The following PUM1 variants were observed in gnomAD, a reference collection of about 807,000 sequenced individuals.
The protein encoded by PUM1 is pumilio homolog 1.
PUM1 carries 13 observed loss-of-function variants against 131.8 expected under a neutral mutation model. That is an observed-to-expected ratio of 0.10 (90% CI 0.06 to 0.16). PUM1 has a LOEUF of 0.16. PUM1 is among the 10% of genes least tolerant of loss of function. PUM1 has a pLI of 1.00. For missense variants in PUM1, 961 were observed against 1,512.4 expected (o/e 0.64, Z 6.05); for synonymous variants, 509 against 556.5 (o/e 0.91, Z 1.20).
Position 30,944,237 on chromosome 1 carries a change from T to C in PUM1, c.2994+1109A>G, listed in dbSNP as rs61778249. Reference sequence around the variant, plus strand: ...TTACTACACATCACATATCACTCTATACTCAGCAGTACATAAATTATACCT... The same window carrying C: ...TTACTACACATCACATATCACTCTACACTCAGCAGTACATAAATTATACCT... On this transcript the variant is annotated intron_variant, in intron 18 of 21. Transcript: ENST00000426105. Among the ~76,000 whole-genome samples, 722 of 152,290 alleles carry C rather than the reference T, an allele frequency of 4.7e-3. 2 individuals carry two copies. The highest frequency in any genetic ancestry group is 8.0e-3 in the Non-Finnish European group (545 of 68,026).
chr1:30,964,887 C>T lies in PUM1; in HGVS notation c.2110G>A (p.Gly704Ser). The change falls in exon 14 of 22, where the codon GGC becomes AGC. Residue 704 changes from glycine (G) to serine (S), a missense_variant. Physicochemically the swap from Gly to Ser is moderately conservative, Grantham distance 56. This residue lies in a region of PUM1 where 654 missense variants were observed against 923.9 expected (regional missense o/e 0.71). Coordinates refer to ENST00000426105, the MANE Select transcript of PUM1 (RefSeq NM_001020658.2). ...CCAGTCAGGGAGTCACGGCGGGAGC[C>T]ACTGCCAGTGTTGGAGTTTGCAACT... ...TAVANSNTGSGSRRDSLTGSS... is the reference protein window; with the variant it reads ...TAVANSNTGSSSRRDSLTGSS... 1 of 1,614,100 alleles carries T rather than the reference C, an allele frequency of 6.2e-7. No individual in the cohort carries two copies.
intron 2 of PUM1, among the ~76,000 whole-genome samples, chr1:31,032,199 T>G (rs577151374): frequency 1.3e-5 from 2 of 152,352 alleles, no homozygotes; most frequent in African/African-American, 4.8e-5. Flanking sequence ...TTATTCATAC[T>G]GGGAGCTGTA....
chr1:31,010,528 A>G (rs1236240207), intron 3 of PUM1, among the ~76,000 whole-genome samples: 3 of 152,182 alleles, frequency 2.0e-5, no homozygotes, highest in African/African-American at 4.8e-5. Context: ...ACATGAAGCC[A>G]AGAGAGAGAC....
At chr1:30,990,581 C>A (rs551202464) in intron 7 of PUM1, among the ~76,000 whole-genome samples, 2 of 152,098 alleles carry the variant, frequency 1.3e-5, no homozygotes, top group African/African-American at 4.8e-5. Flanking sequence ...ACTACTAGCT[C>A]TTATACAGGA....
In PUM1 at chr1:30,967,302, C is replaced by G; in HGVS notation, c.1654G>C (p.Val552Leu). ...TCATAGTAAGCAGCAGGAGCCAACACCGGATAACCTAGGAATATCAAGCCA... is the reference window on the plus strand; with the variant it reads ...TCATAGTAAGCAGCAGGAGCCAACAGCGGATAACCTAGGAATATCAAGCCA... ...GLAAGMPGYP[V>L]LAPAAYYDQT... is the part of the protein sequence containing the mutation. The change falls in exon 12 of 22, where the codon GTG (valine) becomes CTG (leucine). Residue 552 changes from valine (V) to leucine (L), a missense_variant. By Grantham distance (32) the Val-to-Leu change is conservative. Transcript: ENST00000426105. 6.2e-7 allele frequency: 1 copy of G among 1,613,402 alleles called. No homozygotes were observed. The highest frequency in any genetic ancestry group is 8.5e-7 in the Non-Finnish European group (1 of 1,179,430).
rs1279099821 is a variant in PUM1, at chr1:31,049,216, C to CA, written c.363+9987dup. On this transcript the variant is annotated intron_variant, in intron 2 of 21. Coordinates refer to ENST00000426105, the MANE Select transcript of PUM1 (RefSeq NM_001020658.2). ...AAACTCTGTCTGAAAAAATAAAAAA[C>CA]AAAAAACTACAAAAATTGGCTGGGG... 5.3e-5 allele frequency among the ~76,000 whole-genome samples: 8 copies of CA among 150,168 alleles called. No individual in the cohort carries two copies. The South Asian group carries it at 1.1e-3, about 20-fold the overall frequency.
At chr1:31,057,405 C>CAAA (rs1223950994) in intron 2 of PUM1, among the ~76,000 whole-genome samples, 93 of 68,752 alleles carry the variant, frequency 1.4e-3, no homozygotes, top group East Asian at 8.5e-3. Context: ...GACCTTGTCT[C>CAAA]AAAAAAAAAA....
intron 5 of PUM1, among the ~76,000 whole-genome samples, chr1:31,004,959 G>A (rs750302579): frequency 3.3e-5 from 5 of 152,144 alleles, no homozygotes; most frequent in Non-Finnish European, 5.9e-5. Flanking sequence ...TGACTGCAGG[G>A]AGAAATGTCT....
intron 9 of PUM1, among the ~76,000 whole-genome samples, chr1:30,977,571 C>T (rs185649659): frequency 1.3e-5 from 2 of 152,326 alleles, no homozygotes; most frequent in East Asian, 3.9e-4. Flanking sequence ...CTTGGCACAT[C>T]AGGATGCCCA....
chr1:31,052,995 C>T (rs71644199), intron 2 of PUM1, among the ~76,000 whole-genome samples: 63 of 151,360 alleles, frequency 4.2e-4, no homozygotes, highest in African/African-American at 1.4e-3. Context: ...TAAGCCACCA[C>T]GCCTGGCCCA....
intron 2 of PUM1, among the ~76,000 whole-genome samples, chr1:31,034,320 G>C (rs886359602): frequency 6.6e-5 from 10 of 152,100 alleles, no homozygotes; most frequent in African/African-American, 2.2e-4. Context: ...CACTGAGTTG[G>C]GGAGTTCATT....
intron 7 of PUM1, among the ~76,000 whole-genome samples, chr1:30,987,546 T>C (rs901719107): frequency 2.0e-5 from 3 of 152,202 alleles, no homozygotes; most frequent in Non-Finnish European, 2.9e-5. Context: ...GGCAACTGTA[T>C]AGCATTTTGT....
chr1:30,931,780 G>T lies in PUM1; in HGVS notation c.*1431C>A, dbSNP rs1638983359. 6.6e-6 allele frequency: 1 copy of T among 152,598 alleles called. No homozygotes were observed. Among genetic ancestry groups the T allele is most frequent in the Admixed American group, 6.6e-5 (1 of 15,262 alleles). 9.5% of individuals were successfully genotyped at this position (152,598 alleles called of 1,614,324 possible). A position where few individuals can be genotyped will look rare whatever the true frequency, so the allele number is the denominator to read the frequency against. ...ACAAGTAGACAAAATGCAAAATACA[G>T]TTCATCTTCTGTACAAAAGGGAAGG... On this transcript the variant is annotated 3_prime_UTR_variant, in exon 22 of 22. Transcript: ENST00000426105.
intron 2 of PUM1, chr1:31,051,175 AAC>A (rs1450743508): frequency 3.3e-5 from 5 of 152,246 alleles, no homozygotes; most frequent in African/African-American, 9.6e-5. Context: ...AAAAAAGACT[AAC>A]AGCACTGAAG....
chr1:31,063,765 C>T (rs575647540), intron 1 of PUM1, among the ~76,000 whole-genome samples: 2 of 152,258 alleles, frequency 1.3e-5, no homozygotes, highest in East Asian at 3.9e-4. Context: ...AAACAATTGG[C>T]TTTTGTAAAG....
chr1:30,946,669 C>T (rs1194914503), intron 17 of PUM1, among the ~76,000 whole-genome samples: 1 of 147,882 alleles, frequency 6.8e-6, no homozygotes, highest in East Asian at 2.0e-4. Context: ...TATATATATA[C>T]TTATATACAT....
At chr1:30,997,495 C>CTT (rs9286937) in intron 5 of PUM1, among the ~76,000 whole-genome samples, 16 of 129,812 alleles carry the variant, frequency 1.2e-4, no homozygotes, top group East Asian at 8.6e-4. Context: ...TGAAACTCGT[C>CTT]TTTTTTTTTT....
intron 18 of PUM1, among the ~76,000 whole-genome samples, chr1:30,942,438 A>C (rs1639493161): frequency 1.3e-5 from 2 of 151,812 alleles, no homozygotes; most frequent in Admixed American, 1.3e-4. Context: ...ACACTTAGTT[A>C]AGAGTCAAGT....
intron 2 of PUM1, among the ~76,000 whole-genome samples, chr1:31,038,060 T>G (rs559414630): frequency 7.0e-6 from 1 of 143,710 alleles, no homozygotes; most frequent in African/African-American, 2.6e-5. Flanking sequence ...GCCTCGGAAA[T>G]AGAGTGAGAC....
Sources: gnomAD v4.1 joint callset for allele counts (sites outside exome capture counted in the v4.1 genomes callset) on GRCh38, gnomAD v4.1.1 for gene constraint, gnomAD v4.1.1 regional missense constraint, MANE v1.5 for transcripts, NCBI Gene and HGNC (gene_info 2026-07-23, HGNC 2026-07-21) for gene names.